Variants in TENM3 observed in about 807,000 individuals in gnomAD.
TENM3 encodes teneurin-3.
In TENM3, 63 loss-of-function variants were observed where a neutral mutation model predicts 255.1. That is an observed-to-expected ratio of 0.25 (90% CI 0.20 to 0.30). The LOEUF (loss-of-function observed/expected upper bound fraction) is 0.30. Ranked by LOEUF, TENM3 falls within the 10% of genes least tolerant of loss-of-function variation. TENM3 has a pLI of 1.00. For missense variants in TENM3, 2,929 were observed against 3,461.1 expected (o/e 0.85, Z 3.86); for synonymous variants, 1,306 against 1,322.3 (o/e 0.99, Z 0.27).
chr4:182,080,335 C>T, the TENM3 span, among the ~76,000 whole-genome samples: 24 of 152,110 alleles, frequency 1.6e-4, no homozygotes, highest in Non-Finnish European at 2.4e-4. Flanking sequence ...TGTTTCAAGA[C>T]ATTGGAAGAT....
chr4:181,605,528 A>G, the TENM3 span, among the ~76,000 whole-genome samples: 140 of 26,530 alleles, frequency 5.3e-3, 4 homozygotes, highest in African/African-American at 0.011. Flanking sequence ...GAAAGAAAGA[A>G]AGAAAGAAAG....
the TENM3 span, among the ~76,000 whole-genome samples, chr4:182,089,829 C>A: frequency 6.6e-6 from 1 of 152,058 alleles, no homozygotes; most frequent in Non-Finnish European, 1.5e-5. Context: ...GTGTCCATTA[C>A]TAATTATTAG....
upstream of TENM3, among the ~76,000 whole-genome samples, chr4:182,240,983 C>A (rs1757218998): frequency 6.6e-6 from 1 of 152,224 alleles, no homozygotes; most frequent in Admixed American, 6.5e-5. Context: ...TTCTCTGAAG[C>A]CCGCTTCTCA....
chr4:181,750,821 G>A, the TENM3 span, among the ~76,000 whole-genome samples: 1 of 152,152 alleles, frequency 6.6e-6, no homozygotes, highest in African/African-American at 2.4e-5. Flanking sequence ...AGAGAACTAT[G>A]ATATAAAAGA....
the TENM3 span, among the ~76,000 whole-genome samples, chr4:182,034,198 G>T: frequency 2.5e-4 from 38 of 152,288 alleles, no homozygotes; most frequent in African/African-American, 8.9e-4. Context: ...CCACTCCCAT[G>T]ATTCAATTAT....
chr4:181,669,306 T>C, the TENM3 span, among the ~76,000 whole-genome samples: 2 of 152,142 alleles, frequency 1.3e-5, no homozygotes, highest in Non-Finnish European at 2.9e-5. Flanking sequence ...CCACCTTTAT[T>C]TGATGAAGGG....
At chr4:182,413,103 T>A (rs1770116256) in intron 3 of TENM3, among the ~76,000 whole-genome samples, 1 of 150,746 alleles carries the variant, frequency 6.6e-6, no homozygotes, top group Non-Finnish European at 1.5e-5. Flanking sequence ...TGAGAGCAAA[T>A]AAGAAACATG....
the TENM3 span, among the ~76,000 whole-genome samples, chr4:181,957,933 A>T: frequency 4.6e-5 from 7 of 152,272 alleles, no homozygotes; most frequent in African/African-American, 1.7e-4. Context: ...AATGCTTACA[A>T]AATATGTTTT....
At chr4:182,297,594 A>G (rs1024468446) in intron 1 of TENM3, among the ~76,000 whole-genome samples, 1 of 152,202 alleles carries the variant, frequency 6.6e-6, no homozygotes, top group Non-Finnish European at 1.5e-5. Context: ...GCCTTACGTC[A>G]GACACACCAG....
At chr4:182,366,434 A>G (rs1766435445) in intron 3 of TENM3, among the ~76,000 whole-genome samples, 1 of 151,918 alleles carries the variant, frequency 6.6e-6, no homozygotes. Flanking sequence ...TATATTATAT[A>G]GATTACATTT....
intron 3 of TENM3, among the ~76,000 whole-genome samples, chr4:182,375,058 T>C (rs1767086736): frequency 6.6e-6 from 1 of 152,156 alleles, no homozygotes; most frequent in Non-Finnish European, 1.5e-5. Flanking sequence ...TCTTTGCAGA[T>C]CAAAATCCTT....
At chr4:182,264,975 G>A (rs1298086157) in intron 1 of TENM3, among the ~76,000 whole-genome samples, 1 of 124,506 alleles carries the variant, frequency 8.0e-6, no homozygotes, top group African/African-American at 3.1e-5. Context: ...TTTTTTTTTT[G>A]TCTTGTCACT....
At chr4:182,026,275 T>A in the TENM3 span, among the ~76,000 whole-genome samples, 33 of 152,360 alleles carry the variant, frequency 2.2e-4, no homozygotes, top group African/African-American at 7.9e-4. Context: ...GAGAAATGTC[T>A]GTTCAAATCT....
At chr4:182,432,908 A>T (rs968918274) in intron 3 of TENM3, among the ~76,000 whole-genome samples, 77 of 120,508 alleles carry the variant, frequency 6.4e-4, no homozygotes, top group African/African-American at 2.2e-3. Context: ...GCTGGTCTTT[A>T]ACTCCTGACC....
intron 1 of TENM3, among the ~76,000 whole-genome samples, chr4:182,291,596 GC>G (rs1359168665): frequency 2.6e-5 from 4 of 152,146 alleles, no homozygotes; most frequent in Non-Finnish European, 5.9e-5. Flanking sequence ...CCATGGTACA[GC>G]TGAGGAAGCA....
the TENM3 span, among the ~76,000 whole-genome samples, chr4:181,502,508 G>T: frequency 5.3e-5 from 8 of 152,236 alleles, no homozygotes; most frequent in Non-Finnish European, 1.0e-4. Context: ...AAATTTCCTT[G>T]TGGGAACCTG....
At chr4:181,978,836 G>T in the TENM3 span, among the ~76,000 whole-genome samples, 2 of 151,012 alleles carry the variant, frequency 1.3e-5, no homozygotes, top group African/African-American at 4.9e-5. Flanking sequence ...CCAGAAATAG[G>T]CAAGGGAAGT....
At chr4:182,062,316 G>T in the TENM3 span, among the ~76,000 whole-genome samples, 2 of 152,172 alleles carry the variant, frequency 1.3e-5, no homozygotes, top group African/African-American at 2.4e-5. Flanking sequence ...TTGTGTATTT[G>T]TGTATACAGG....
the TENM3 span, among the ~76,000 whole-genome samples, chr4:182,064,294 T>G: frequency 6.6e-6 from 1 of 151,968 alleles, no homozygotes; most frequent in Non-Finnish European, 1.5e-5. Flanking sequence ...ACTAAGAAAT[T>G]TGGGCTGGGC....
Sources: gnomAD v4.1 joint callset for allele counts (sites outside exome capture counted in the v4.1 genomes callset) on GRCh38, gnomAD v4.1.1 for gene constraint, MANE v1.5 for transcripts, NCBI Gene and HGNC (gene_info 2026-07-23, HGNC 2026-07-21) for gene names.